BTBD9: variants seen among roughly 807,000 people sequenced by gnomAD.
The protein encoded by BTBD9 is BTB domain containing 9, also known as BTB/POZ domain-containing protein 9.
A neutral mutation model predicts 64.3 loss-of-function variants in BTBD9; 49 were observed. The ratio of observed to expected loss-of-function variants is 0.76; its 90% CI spans 0.61 to 0.97. The LOEUF (loss-of-function observed/expected upper bound fraction) is 0.97. Among genes scored for constraint, BTBD9 ranks in the 50% least tolerant of loss-of-function variants. BTBD9 has a pLI of 0.00. For synonymous variants in BTBD9, 260 were observed against 274.7 expected (o/e 0.95, Z 0.53); for missense variants, 598 against 762.1 (o/e 0.78, Z 2.53).
At chr6:38,554,136 A>G (rs1228304220) in intron 6 of BTBD9, among the ~76,000 whole-genome samples, 1 of 152,210 alleles carries the variant, frequency 6.6e-6, no homozygotes, top group African/African-American at 2.4e-5. Context: ...ATTTATGGCT[A>G]GCATGATATA....
intron 6 of BTBD9, among the ~76,000 whole-genome samples, chr6:38,403,332 T>C (rs1378307879): frequency 6.6e-6 from 1 of 151,166 alleles, no homozygotes; most frequent in East Asian, 1.9e-4. Context: ...TATATACATA[T>C]GTATATCTTA....
chr6:38,190,244 T>C (rs1003304495), intron 10 of BTBD9, among the ~76,000 whole-genome samples: 2 of 151,778 alleles, frequency 1.3e-5, no homozygotes, highest in African/African-American at 2.4e-5. Flanking sequence ...GGCAGGTGGA[T>C]CACCTGAGGT....
chr6:38,296,828 G>A (rs1050489734), intron 7 of BTBD9, among the ~76,000 whole-genome samples: 1 of 152,034 alleles, frequency 6.6e-6, no homozygotes, highest in African/African-American at 2.4e-5. Flanking sequence ...TTCTGTTACT[G>A]ATTTTTAATT....
chr6:38,539,984 G>A (rs1774195724), intron 6 of BTBD9, among the ~76,000 whole-genome samples: 1 of 152,162 alleles, frequency 6.6e-6, no homozygotes, highest in African/African-American at 2.4e-5. Context: ...TCAGAGGGCA[G>A]GGATGTTGAT....
chr6:38,325,705 AAAC>A (rs1289094841), intron 7 of BTBD9, among the ~76,000 whole-genome samples: 1 of 152,172 alleles, frequency 6.6e-6, no homozygotes, highest in Non-Finnish European at 1.5e-5. Flanking sequence ...AAACAAAACA[AAAC>A]AAACAAACAA....
At chr6:38,485,348 C>A (rs1474000834) in intron 6 of BTBD9, among the ~76,000 whole-genome samples, 4 of 152,176 alleles carry the variant, frequency 2.6e-5, no homozygotes, top group Non-Finnish European at 4.4e-5. Context: ...ATTTGCTTTG[C>A]CCAGATCAGA....
chr6:38,185,664 T>G (rs943670506), intron 10 of BTBD9, among the ~76,000 whole-genome samples: 1 of 152,174 alleles, frequency 6.6e-6, no homozygotes, highest in Non-Finnish European at 1.5e-5. Context: ...CAAGAAACAG[T>G]GGTGCCTCCC....
intron 6 of BTBD9, among the ~76,000 whole-genome samples, chr6:38,511,169 A>G (rs10947742): frequency 0.85 from 129,357 of 151,844 alleles, 56,914 homozygotes; most frequent in Non-Finnish European, 0.97. Context: ...ATTATTATGC[A>G]GCACATAATT....
At chr6:38,339,983 T>C (rs748153699) in intron 7 of BTBD9, among the ~76,000 whole-genome samples, 3 of 152,174 alleles carry the variant, frequency 2.0e-5, no homozygotes, top group African/African-American at 4.8e-5. Flanking sequence ...ATATGGTTCA[T>C]AGCTGTTATG....
Position 38,495,984 on chromosome 6 carries a change from T to C in BTBD9, c.1154+81616A>G, listed in dbSNP as rs552838632. On this transcript the variant is annotated intron_variant, in intron 6 of 10. Transcript: ENST00000481247. ...CCTTTGGAGAGAAGAGATGGGCACATGTGTCATCTAAAAAAGCATTTTCAA... is the reference window on the plus strand; with the variant it reads ...CCTTTGGAGAGAAGAGATGGGCACACGTGTCATCTAAAAAAGCATTTTCAA... 1.4e-4 allele frequency among the ~76,000 whole-genome samples: 22 copies of C among 152,310 alleles called. 2 individuals are homozygous for C. The South Asian group carries it at 4.1e-3, about 29-fold the overall frequency.
chr6:38,580,006 A>G (rs1012475308), intron 5 of BTBD9, among the ~76,000 whole-genome samples: 9 of 152,252 alleles, frequency 5.9e-5, no homozygotes, highest in Non-Finnish European at 1.0e-4. Flanking sequence ...TTTCTACAAT[A>G]AACACATATT....
intron 6 of BTBD9, among the ~76,000 whole-genome samples, chr6:38,346,787 A>G (rs1344210238): frequency 2.0e-5 from 3 of 152,176 alleles, no homozygotes; most frequent in African/African-American, 7.2e-5. Flanking sequence ...ATTTCCTTAA[A>G]CCCACAGGAA....
intron 6 of BTBD9, among the ~76,000 whole-genome samples, chr6:38,414,920 C>T (rs1767596884): frequency 6.6e-6 from 1 of 152,128 alleles, no homozygotes; most frequent in South Asian, 2.1e-4. Context: ...TACTGACACC[C>T]AAATTAAGAA....
intron 6 of BTBD9, among the ~76,000 whole-genome samples, chr6:38,358,321 G>A (rs1031706454): frequency 6.6e-6 from 1 of 152,064 alleles, no homozygotes; most frequent in South Asian, 2.1e-4. Context: ...GCACAACCCA[G>A]TTGCTTCAGA....
rs576832348 is a variant in BTBD9 at position 38,266,765 on chromosome 6, A to G, written c.1455-10249T>C. On this transcript the variant is annotated intron_variant, in intron 8 of 10. Coordinates refer to ENST00000481247, the MANE Select transcript of BTBD9 (RefSeq NM_001099272.2). Reference sequence around the variant, plus strand: ...AGGCCAAACAGCCCTTGAGAAGAAAAGCATTCTTATATTTTGGAAAGTGAC... The same window carrying G: ...AGGCCAAACAGCCCTTGAGAAGAAAGGCATTCTTATATTTTGGAAAGTGAC... Among the ~76,000 whole-genome samples, 83 of 152,358 alleles carry G rather than the reference A, an allele frequency of 5.4e-4. 1 individual carries two copies. Among genetic ancestry groups the G allele is most frequent in the Admixed American group, 4.8e-3 (74 of 15,308 alleles).
At chr6:38,404,664 A>G (rs1156445196) in intron 6 of BTBD9, among the ~76,000 whole-genome samples, 1 of 152,212 alleles carries the variant, frequency 6.6e-6, no homozygotes, top group Non-Finnish European at 1.5e-5. Flanking sequence ...GATTCTAGGG[A>G]GGGCAAAGTT....
At position 38,634,575 on chromosome 6, in the gene BTBD9, T is replaced by A. The variant is rs879933724; in HGVS notation, c.-28+5225A>T. ...TTGCAAACTGGATTGTTCCTTTTTT[T>A]TAAAAAAAAAGGGGGGGGAGAGGGC... is the stretch of plus-strand genomic sequence containing the variant. On this transcript the variant is annotated intron_variant, in intron 1 of 10. Transcript: ENST00000481247. 6.3e-3 allele frequency among the ~76,000 whole-genome samples: 950 copies of A among 150,964 alleles called. 4 individuals are homozygous for A. The highest frequency in any genetic ancestry group is 0.011 in the Non-Finnish European group (734 of 67,686).
At chr6:38,334,055 G>A (rs1763786446) in intron 7 of BTBD9, among the ~76,000 whole-genome samples, 1 of 152,192 alleles carries the variant, frequency 6.6e-6, no homozygotes, top group African/African-American at 2.4e-5. Context: ...ATTGGGAACT[G>A]GAGTAAAGGT....
At chr6:38,288,913 C>T (rs569937914) in intron 7 of BTBD9, among the ~76,000 whole-genome samples, 6 of 151,926 alleles carry the variant, frequency 3.9e-5, no homozygotes, top group South Asian at 4.2e-4. Context: ...GGTGACAGAG[C>T]GAGACTCGTC....
Sources: allele counts gnomAD v4.1 joint callset (sites outside exome capture counted in the v4.1 genomes callset), GRCh38; gene constraint gnomAD v4.1.1; transcripts MANE v1.5; gene names NCBI Gene and HGNC (gene_info 2026-07-23, HGNC 2026-07-21).